COL24A1: variants seen among roughly 807,000 people sequenced by gnomAD.
COL24A1 encodes collagen type XXIV alpha 1 chain, also known as collagen alpha-1(XXIV) chain.
Under a neutral mutation model 253.9 loss-of-function variants are expected in COL24A1, and 224 were observed. The ratio of observed to expected loss-of-function variants is 0.88; its 90% CI spans 0.79 to 0.99. The LOEUF (loss-of-function observed/expected upper bound fraction) is 0.99, where lower values mean the gene tolerates loss of function less well. Among genes scored for constraint, COL24A1 ranks in the 50% least tolerant of loss-of-function variants. COL24A1 has a pLI of 0.00. For missense variants in COL24A1, 2,131 were observed against 2,068.5 expected, an observed-to-expected ratio of 1.03 and a Z score of -0.59; for synonymous variants, 685 against 673.7, an observed-to-expected ratio of 1.02 and a Z score of -0.26.
At chr1:85,861,494 T>C (rs993047458) in intron 37 of COL24A1, among the ~76,000 whole-genome samples, 2 of 152,196 alleles carry the variant, frequency 1.3e-5, no homozygotes, top group African/African-American at 2.4e-5. Flanking sequence ...CGTACTCCCA[T>C]GTTTTCTTCT....
intron 31 of COL24A1, among the ~76,000 whole-genome samples, chr1:85,890,335 C>T (rs1456563012): frequency 1.3e-5 from 2 of 152,092 alleles, no homozygotes; most frequent in South Asian, 4.1e-4. Flanking sequence ...TTTTCCACAG[C>T]AGTTCCCCTA....
chr1:86,125,608 C>A lies in COL24A1; in HGVS notation c.728G>T (p.Arg243Leu), dbSNP rs200728036. The A allele has an allele frequency of 3.7e-6, 6 of 1,613,018 alleles. No individual in the cohort carries two copies. The highest frequency in any genetic ancestry group is 5.1e-6 in the Non-Finnish European group (6 of 1,179,560). ...TTCAGGTTGGTATTTGTCTGCTTGGCGACACTGCTGTTTCACATATCTGCA... is the reference window on the plus strand; with the variant it reads ...TTCAGGTTGGTATTTGTCTGCTTGGAGACACTGCTGTTTCACATATCTGCA... ...DYCRYVKQQCRQADKYQPETS... is the reference protein window; with the variant it reads ...DYCRYVKQQCLQADKYQPETS... The change falls in exon 3 of 60, where the codon CGC becomes CTC. Residue 243 changes from arginine (R) to leucine (L), a missense_variant. Physicochemically the swap from Arg to Leu is moderately radical, Grantham distance 102. Coordinates refer to ENST00000370571, the MANE Select transcript of COL24A1 (RefSeq NM_152890.7).
chr1:86,084,172 C>CA (rs1480693351), intron 7 of COL24A1, among the ~76,000 whole-genome samples: 1 of 151,796 alleles, frequency 6.6e-6, no homozygotes, highest in Non-Finnish European at 1.5e-5. Flanking sequence ...GTATAGTTAT[C>CA]AAAAAAAGAA....
At chr1:85,948,093 A>G (rs927836900) in intron 24 of COL24A1, among the ~76,000 whole-genome samples, 4 of 152,178 alleles carry the variant, frequency 2.6e-5, no homozygotes, top group African/African-American at 7.2e-5. Flanking sequence ...CAATCAACTT[A>G]TTCTTACTTT....
At chr1:85,939,832 T>A (rs1299702968) in intron 24 of COL24A1, among the ~76,000 whole-genome samples, 2 of 152,118 alleles carry the variant, frequency 1.3e-5, no homozygotes, top group Non-Finnish European at 1.5e-5. Flanking sequence ...GGAAATGATG[T>A]AGCACAGAGA....
chr1:86,063,359 C>T (rs189301475), intron 8 of COL24A1, among the ~76,000 whole-genome samples: 1 of 117,514 alleles, frequency 8.5e-6, no homozygotes, highest in Admixed American at 8.3e-5. Context: ...GTCTCTCTCT[C>T]TGTGTGTGTG....
At position 85,890,753 on chromosome 1, in the gene COL24A1, T is replaced by A. The variant is rs1239414375; in HGVS notation, c.2923-1140A>T. The stretch of plus-strand genomic sequence containing the variant: ...AGTTTCCTTTTTCCAAAAATAATAA[T>A]CCTTGTGATGTGTTAATAAGTATGA... On this transcript the variant is annotated intron_variant, in intron 31 of 59. Transcript: ENST00000370571. Among the ~76,000 whole-genome samples the A allele has an allele frequency of 3.3e-5, 5 of 152,180 alleles. No homozygotes were observed. In the South Asian group the frequency reaches 8.3e-4, roughly 25 times the overall value.
intron 12 of COL24A1, among the ~76,000 whole-genome samples, chr1:86,045,555 A>G (rs2101638577): frequency 6.6e-6 from 1 of 152,208 alleles, no homozygotes; most frequent in South Asian, 2.1e-4. Flanking sequence ...TGAGAGCTAA[A>G]ACATAAAAAA....
intron 41 of COL24A1, 145 bp from the exon 42 acceptor site, chr1:85,841,423 G>T: frequency 1.7e-6 from 1 of 581,806 alleles, no homozygotes; most frequent in Non-Finnish European, 3.0e-6. Flanking sequence ...AAGAAACTAA[G>T]CCTATGATAT....
intron 37 of COL24A1, among the ~76,000 whole-genome samples, chr1:85,862,816 G>C (rs948847503): frequency 6.6e-6 from 1 of 152,142 alleles, no homozygotes; most frequent in African/African-American, 2.4e-5. Context: ...TTGTTTCCAA[G>C]GAAACTATGT....
At chr1:85,996,226 T>C (rs11161714) in intron 19 of COL24A1, among the ~76,000 whole-genome samples, 60,424 of 151,846 alleles carry the variant, frequency 0.4, 12,431 homozygotes, top group East Asian at 0.58. Flanking sequence ...AGAAATTATT[T>C]ATTGAACTTG....
chr1:85,805,657 A>C (rs1353809014), intron 47 of COL24A1, among the ~76,000 whole-genome samples: 1 of 152,206 alleles, frequency 6.6e-6, no homozygotes, highest in Non-Finnish European at 1.5e-5. Context: ...AAATATAATT[A>C]TGCCTACCTC....
chr1:85,904,788 G>A (rs1488734684), intron 28 of COL24A1, among the ~76,000 whole-genome samples: 1 of 152,012 alleles, frequency 6.6e-6, no homozygotes, highest in Non-Finnish European at 1.5e-5. Context: ...CCTGTCCTTT[G>A]GAAAAATTTC....
chr1:86,135,100 G>A (rs1308544243), intron 2 of COL24A1, among the ~76,000 whole-genome samples: 10 of 152,028 alleles, frequency 6.6e-5, no homozygotes, highest in East Asian at 5.8e-4. Context: ...TTACCATTAC[G>A]TAATGGCCTT....
chr1:85,743,429 C>A (rs1664859112), intron 57 of COL24A1, among the ~76,000 whole-genome samples: 1 of 152,128 alleles, frequency 6.6e-6, no homozygotes, highest in South Asian at 2.1e-4. Context: ...CTCATAGATG[C>A]CTTATCTGAT....
intron 31 of COL24A1, among the ~76,000 whole-genome samples, chr1:85,890,187 A>G (rs955215152): frequency 6.6e-6 from 1 of 152,172 alleles, no homozygotes; most frequent in African/African-American, 2.4e-5. Context: ...GGCTATTGTG[A>G]ATAATGCGGC....
At chr1:86,017,005 G>T in intron 19 of COL24A1, 146 bp downstream of exon 19, 1 of 747,092 alleles carries the variant, frequency 1.3e-6, no homozygotes. Flanking sequence ...TGACATAACA[G>T]AAAAAATGTA....
chr1:85,911,563 C>T (rs1685373036), intron 24 of COL24A1, 130 bp from the exon 25 acceptor site: 1 of 785,184 alleles, frequency 1.3e-6, no homozygotes, highest in Non-Finnish European at 2.2e-6. Flanking sequence ...GAGTAAAATT[C>T]CTCCTTGTAT....
chr1:86,046,520 C>T (rs1571728564), intron 12 of COL24A1, among the ~76,000 whole-genome samples: 1 of 152,104 alleles, frequency 6.6e-6, no homozygotes, highest in Admixed American at 6.6e-5. Context: ...AGAGTACTAC[C>T]ATTTGTGTTT....
Sources: allele counts gnomAD v4.1 joint callset (sites outside exome capture counted in the v4.1 genomes callset), GRCh38; gene constraint gnomAD v4.1.1; transcripts MANE v1.5; gene names NCBI Gene and HGNC (gene_info 2026-07-23, HGNC 2026-07-21).